TBC1D32: variants seen among roughly 807,000 people sequenced by gnomAD.
TBC1D32 encodes TBC1 domain family member 32.
A neutral mutation model predicts 170.3 loss-of-function variants in TBC1D32; 151 were observed. That is an observed-to-expected ratio of 0.89 (90% CI 0.78 to 1.01). TBC1D32 has a LOEUF of 1.01. Among genes scored for constraint, TBC1D32 ranks in the 50% least tolerant of loss-of-function variants. TBC1D32 has a pLI of 0.00. For synonymous variants in TBC1D32, 498 were observed against 488.0 expected, an observed-to-expected ratio of 1.02 and a Z score of -0.27; for missense variants, 1,464 against 1,457.1, an observed-to-expected ratio of 1.00 and a Z score of -0.08.
chr6:121,123,489 C>A (rs777099921), intron 26 of TBC1D32, among the ~76,000 whole-genome samples: 3 of 151,984 alleles, frequency 2.0e-5, no homozygotes, highest in Non-Finnish European at 4.4e-5. Context: ...TATATAATGA[C>A]CTTTTTGGTC....
intron 30 of TBC1D32, among the ~76,000 whole-genome samples, chr6:121,096,675 T>G (rs1396038209): frequency 3.4e-5 from 5 of 147,270 alleles, no homozygotes. Context: ...ATGACTTTCT[T>G]CATAGAACTG....
chr6:121,233,698 A>T (rs894191410), intron 20 of TBC1D32, among the ~76,000 whole-genome samples: 1 of 152,134 alleles, frequency 6.6e-6, no homozygotes, highest in African/African-American at 2.4e-5. Context: ...CATTTAGGCC[A>T]TTTACATTCA....
intron 8 of TBC1D32, 106 bp downstream of exon 8, chr6:121,304,258 CA>C (rs1411675931): frequency 4.6e-4 from 427 of 932,154 alleles, no homozygotes; most frequent in Non-Finnish European, 2.2e-5. Context: ...AATCCCTTCC[CA>C]ATCAGGTAAG....
Position 121,233,009 on chromosome 6 carries a change from C to T in TBC1D32, c.2364+6061G>A, listed in dbSNP as rs187123543. On this transcript the variant is annotated intron_variant, in intron 20 of 31. Transcript: ENST00000398212. ...AGGTTATTTAATTTCCATGTATTTG[C>T]ATGGTTTTGAGGGTTCCTTTTGAAG... is the stretch of plus-strand genomic sequence containing the variant. Among the ~76,000 whole-genome samples, 304 of 152,088 alleles carry T rather than the reference C, an allele frequency of 2.0e-3. 1 individual carries two copies. The highest frequency in any genetic ancestry group is 6.9e-3 in the African/African-American group (288 of 41,514).
chr6:121,256,555 T>C (rs181758560), intron 15 of TBC1D32, among the ~76,000 whole-genome samples: 6 of 152,346 alleles, frequency 3.9e-5, no homozygotes, highest in Admixed American at 2.6e-4. Context: ...GCCATGTAGA[T>C]AAGTATTGTC....
chr6:121,310,920 A>G (rs1008581390), intron 3 of TBC1D32, 73 bp from the exon 4 acceptor site: 2 of 850,626 alleles, frequency 2.4e-6, no homozygotes, highest in East Asian at 2.5e-5. Context: ...TATTTTTTCA[A>G]TATAATTCCA....
chr6:121,127,048 A>G (rs980334805), intron 25 of TBC1D32, among the ~76,000 whole-genome samples: 6 of 152,170 alleles, frequency 3.9e-5, no homozygotes, highest in African/African-American at 1.4e-4. Context: ...CAGGTACAAT[A>G]TAATTAATAT....
At chr6:121,280,826 A>C (rs10499103) in intron 14 of TBC1D32, among the ~76,000 whole-genome samples, 4,969 of 151,864 alleles carry the variant, frequency 0.033, 191 homozygotes, top group East Asian at 0.12. Flanking sequence ...CATAAGAGGA[A>C]GATGAAAACA....
At chr6:121,298,908 A>T (rs1316471093) in intron 10 of TBC1D32, among the ~76,000 whole-genome samples, 1 of 152,148 alleles carries the variant, frequency 6.6e-6, no homozygotes, top group Non-Finnish European at 1.5e-5. Context: ...ATTATTTATT[A>T]GACTTGCTGA....
intron 27 of TBC1D32, among the ~76,000 whole-genome samples, chr6:121,114,157 G>A (rs921887900): frequency 2.6e-5 from 4 of 152,148 alleles, no homozygotes; most frequent in African/African-American, 7.2e-5. Flanking sequence ...CTGGGTGACA[G>A]AGCGAGATTC....
chr6:121,096,637 A>G (rs900381245), intron 30 of TBC1D32, among the ~76,000 whole-genome samples: 1 of 152,144 alleles, frequency 6.6e-6, no homozygotes, highest in African/African-American at 2.4e-5. Context: ...TAATTTATAG[A>G]TTCAATGCTA....
chr6:121,160,062 T>A lies in TBC1D32; in HGVS notation c.2721A>T (p.Pro907=), dbSNP rs755115001. ...TGTCTGACAGATAGCAGTTTGGCAA[T>A]GGATATGATGAAAACATTGGCCAAG... ...PYPWPMFSSY[P]LPNCYLSDIT... Residue 907 remains proline (P), a synonymous_variant, in exon 24 of 32, where the codon CCA becomes CCT. Transcript: ENST00000398212. 4 of 1,608,664 alleles carry A rather than the reference T, an allele frequency of 2.5e-6. No homozygotes were observed. The South Asian group carries it at 4.4e-5, about 18-fold the overall frequency.
At chr6:121,087,882 G>A (rs571298220) in intron 31 of TBC1D32, among the ~76,000 whole-genome samples, 1 of 151,942 alleles carries the variant, frequency 6.6e-6, no homozygotes, top group Non-Finnish European at 1.5e-5. Context: ...TGTAGAGCGA[G>A]GGGATAATGT....
At chr6:121,170,426 A>C (rs770737596) in intron 22 of TBC1D32, 2 of 1,603,792 alleles carry the variant, frequency 1.2e-6, no homozygotes, top group Non-Finnish European at 1.7e-6. Context: ...AGAAATCTCC[A>C]AGATATTTTC....
intron 26 of TBC1D32, among the ~76,000 whole-genome samples, chr6:121,122,919 A>T (rs945504724): frequency 6.6e-6 from 1 of 152,046 alleles, no homozygotes; most frequent in Non-Finnish European, 1.5e-5. Flanking sequence ...ATAATGTAAG[A>T]TCATGGGTAC....
intron 30 of TBC1D32, among the ~76,000 whole-genome samples, chr6:121,098,538 T>C (rs1363558926): frequency 2.0e-5 from 3 of 152,044 alleles, no homozygotes; most frequent in Admixed American, 1.3e-4. Context: ...AACCACTCTT[T>C]ATACTATGAA....
At chr6:121,187,102 T>A (rs958852344) in intron 22 of TBC1D32, among the ~76,000 whole-genome samples, 1 of 151,678 alleles carries the variant, frequency 6.6e-6, no homozygotes, top group Non-Finnish European at 1.5e-5. Context: ...AGAAAAAAAA[T>A]TGGGGAAGGA....
chr6:121,124,943 T>C (rs1247594400), intron 26 of TBC1D32, among the ~76,000 whole-genome samples: 1 of 152,240 alleles, frequency 6.6e-6, no homozygotes, highest in Non-Finnish European at 1.5e-5. Flanking sequence ...ATCTTAGTGT[T>C]TTCTTGAAGT....
chr6:121,275,851 G>A (rs1380520231), intron 15 of TBC1D32, among the ~76,000 whole-genome samples: 1 of 152,060 alleles, frequency 6.6e-6, no homozygotes. Flanking sequence ...GAGGCTGGGT[G>A]AGGTGGCTGA....
Sources: allele counts gnomAD v4.1 joint callset (sites outside exome capture counted in the v4.1 genomes callset), GRCh38; gene constraint gnomAD v4.1.1; transcripts MANE v1.5; gene names NCBI Gene and HGNC (gene_info 2026-07-23, HGNC 2026-07-21).